The following PCDHA2 variants were observed in gnomAD, a reference collection of about 807,000 sequenced individuals.
PCDHA2 encodes protocadherin alpha 2.
A neutral mutation model predicts 66.0 loss-of-function variants in PCDHA2; 58 were observed. That is an observed-to-expected ratio of 0.88 (90% CI 0.71 to 1.09). The LOEUF is 1.09. PCDHA2 is among the 50% of genes least tolerant of loss of function. The pLI, the probability that PCDHA2 is intolerant of heterozygous loss-of-function variation, is 0.00. For missense variants in PCDHA2, 1,267 were observed against 1,242.3 expected (o/e 1.02, Z -0.30); for synonymous variants, 634 against 554.0 (o/e 1.14, Z -2.03).
At chr5:140,837,468 A>G (rs1775065496) in intron 1 of PCDHA2, among the ~76,000 whole-genome samples, 1 of 151,630 alleles carries the variant, frequency 6.6e-6, no homozygotes, top group African/African-American at 2.4e-5. Context: ...TTGCCTCCTC[A>G]AACCCCAAAC....
At position 140,848,447 on chromosome 5, in the gene PCDHA2, CT is replaced by C; in HGVS notation, c.2388+51096del. On this transcript the variant is annotated intron_variant, in intron 1 of 3. Transcript: ENST00000526136. ...GACTGACGAAATCAGATGATTTCTT[CT>C]AATTTGGAGGCAATTTTCACTAATT... The C allele has an allele frequency of 2.7e-6, 4 of 1,507,352 alleles. 1 individual carries two copies. The highest frequency in any genetic ancestry group is 9.0e-7 in the Non-Finnish European group (1 of 1,107,456). 93.4% of individuals were successfully genotyped at this position (1,507,352 alleles called of 1,614,324 possible).
intron 1 of PCDHA2, chr5:140,969,335 A>G (rs782267073): frequency 1.2e-6 from 2 of 1,614,012 alleles, no homozygotes; most frequent in Admixed American, 3.3e-5. Context: ...AAATGAGGTG[A>G]GACAGTGGTC....
At chr5:140,835,739 C>T (rs185499663) in intron 1 of PCDHA2, 6 of 1,613,584 alleles carry the variant, frequency 3.7e-6, no homozygotes, top group East Asian at 4.5e-5. Context: ...ACGACAACGC[C>T]CCGGCGTTCG....
rs371705947 is a variant in PCDHA2, at chr5:140,967,473, C to T, written c.2389-11476C>T. The T allele has an allele frequency of 6.6e-5, 107 of 1,613,362 alleles. No homozygotes were observed. The highest frequency in any genetic ancestry group is 6.6e-4 in the Middle Eastern group (4 of 6,058). On this transcript the variant is annotated intron_variant, in intron 1 of 3. Coordinates refer to ENST00000526136, the MANE Select transcript of PCDHA2 (RefSeq NM_018905.3). The stretch of plus-strand genomic sequence containing the variant: ...ACAGCCGTGGATGGGGGCATCCCAG[C>T]CCGCTCGGGTACGGCACAGATCTCT...
At chr5:140,843,631 G>T (rs2150363915) in intron 1 of PCDHA2, 1 of 1,595,994 alleles carries the variant, frequency 6.3e-7, no homozygotes, top group East Asian at 2.2e-5. Flanking sequence ...CGGACCTCAT[G>T]GCCTTCAGCC....
In PCDHA2 at chr5:140,903,474, C is replaced by T. The variant is rs1257250947; in HGVS notation, c.2389-75475C>T. Among the ~76,000 whole-genome samples, 4 of 152,106 alleles carry T rather than the reference C, an allele frequency of 2.6e-5. No homozygotes were observed. In the East Asian group the frequency reaches 7.7e-4, roughly 29 times the overall value. The stretch of plus-strand genomic sequence containing the variant: ...ATCAAACTTAAAATATTATTCCTTG[C>T]ATTATAGTTCTGAGCAGGTACCATA... On this transcript the variant is annotated intron_variant, in intron 1 of 3. Transcript: ENST00000526136.
intron 1 of PCDHA2, among the ~76,000 whole-genome samples, chr5:140,946,591 A>C (rs972556402): frequency 5.0e-5 from 6 of 119,488 alleles, no homozygotes; most frequent in African/African-American, 2.1e-4. Context: ...ATAGTGGATG[A>C]ATAGATAAAG....
chr5:140,802,664 G>A, intron 1 of PCDHA2: 1 of 1,613,542 alleles, frequency 6.2e-7, no homozygotes, highest in Non-Finnish European at 8.5e-7. Flanking sequence ...AGAACGCCCT[G>A]GTGTCCTACT....
Position 140,797,057 on chromosome 5 carries a change from T to C in PCDHA2, c.2093T>C (p.Val698Ala). The change falls in exon 1 of 4, where the codon GTG (valine) becomes GCG (alanine). Residue 698 changes from valine (V) to alanine (A), a missense_variant. Val to Ala is a moderately conservative substitution (Grantham distance 64, BLOSUM62 0). Coordinates refer to ENST00000526136, the MANE Select transcript of PCDHA2 (RefSeq NM_018905.3). The part of the protein sequence containing the change: ...GSEATLVDVN[V>A]YLIIAICAVS... ...GAGGCTACGCTGGTGGATGTCAACG[T>C]GTACCTGATCATCGCCATCTGCGCG... 4.3e-6 allele frequency: 7 copies of C among 1,613,766 alleles called. No homozygotes were observed. The highest frequency in any genetic ancestry group is 5.9e-6 in the Non-Finnish European group (7 of 1,179,974).
intron 1 of PCDHA2, chr5:140,859,995 A>C (rs1279929843): frequency 6.6e-6 from 1 of 152,046 alleles, no homozygotes; most frequent in Non-Finnish European, 1.5e-5. Context: ...CTCTCCATCA[A>C]TACTAACTTA....
chr5:140,848,500 T>A, intron 1 of PCDHA2: 2 of 1,585,030 alleles, frequency 1.3e-6, no homozygotes, highest in Non-Finnish European at 1.7e-6. Flanking sequence ...TTTGAAATGT[T>A]ATACTCAAGT....
At chr5:140,856,849 T>G (rs1327483649) in intron 1 of PCDHA2, 1 of 1,593,444 alleles carries the variant, frequency 6.3e-7, no homozygotes, top group African/African-American at 1.3e-5. Flanking sequence ...ACGCTTCTGA[T>G]TCGGATGAAG....
At chr5:140,939,060 A>G (rs1435006375) in intron 1 of PCDHA2, among the ~76,000 whole-genome samples, 1 of 152,208 alleles carries the variant, frequency 6.6e-6, no homozygotes, top group Non-Finnish European at 1.5e-5. Flanking sequence ...TTGGGCTGCT[A>G]TATCAAAATA....
chr5:140,889,561 C>A (rs1170749193), intron 1 of PCDHA2, among the ~76,000 whole-genome samples: 1 of 151,898 alleles, frequency 6.6e-6, no homozygotes, highest in African/African-American at 2.4e-5. Flanking sequence ...CTTCAGAATT[C>A]TGCTTTCTGA....
At chr5:141,006,894 A>G (rs781832084) in intron 3 of PCDHA2, among the ~76,000 whole-genome samples, 6 of 152,212 alleles carry the variant, frequency 3.9e-5, no homozygotes, top group African/African-American at 7.2e-5. Context: ...TTGATTTCAG[A>G]TTTCTTCAGT....
At chr5:140,825,720 C>T (rs1554130338) in intron 1 of PCDHA2, 1 of 152,170 alleles carries the variant, frequency 6.6e-6, no homozygotes, top group African/African-American at 2.4e-5. Flanking sequence ...TCGCGCCTGG[C>T]CTAAATTATT....
chr5:140,835,475 A>G (rs141258579), intron 1 of PCDHA2: 5 of 1,613,920 alleles, frequency 3.1e-6, no homozygotes, highest in Middle Eastern at 1.6e-4. Context: ...AGGACGCCCA[A>G]CCAGGTACCG....
At chr5:141,008,686 A>G (rs1419778370) in intron 3 of PCDHA2, among the ~76,000 whole-genome samples, 1 of 152,174 alleles carries the variant, frequency 6.6e-6, no homozygotes, top group Non-Finnish European at 1.5e-5. Flanking sequence ...TAGTTATTGC[A>G]TGTATTAAGT....
intron 1 of PCDHA2, chr5:140,866,792 A>T (rs2049578190): frequency 6.6e-6 from 1 of 152,208 alleles, no homozygotes; most frequent in Non-Finnish European, 1.5e-5. Flanking sequence ...CTGATATAGT[A>T]AAAGTCAGGC....
Sources: allele counts gnomAD v4.1 joint callset (sites outside exome capture counted in the v4.1 genomes callset), GRCh38; gene constraint gnomAD v4.1.1; transcripts MANE v1.5; gene names NCBI Gene and HGNC (gene_info 2026-07-23, HGNC 2026-07-21).